The following ABTB2 variants were observed in gnomAD, a reference collection of about 807,000 sequenced individuals.
The protein encoded by ABTB2 is ankyrin repeat and BTB domain containing 2.
A neutral mutation model predicts 104.1 loss-of-function variants in ABTB2; 56 were observed. That is an observed-to-expected ratio of 0.54 (90% confidence interval 0.43 to 0.67). The LOEUF is 0.67. Among genes scored for constraint, ABTB2 ranks in the 30% least tolerant of loss-of-function variants. ABTB2 has a pLI of 0.00. For synonymous variants in ABTB2, 606 were observed against 608.2 expected (o/e 1.00, Z 0.05); for missense variants, 1,279 against 1,407.7 (o/e 0.91, Z 1.46).
At chr11:34,159,261 C>T in intron 14 of ABTB2, 35 bp downstream of exon 14, 1 of 1,554,760 alleles carries the variant, frequency 6.4e-7, no homozygotes, top group Non-Finnish European at 8.9e-7. Flanking sequence ...GAGGGTCATC[C>T]CTCTGAGAAG....
intron 1 of ABTB2, among the ~76,000 whole-genome samples, chr11:34,216,271 T>G (rs941007461): frequency 6.6e-5 from 10 of 152,216 alleles, no homozygotes; most frequent in African/African-American, 2.4e-4. Flanking sequence ...GACACCTCAG[T>G]TGATGATGAG....
intron 1 of ABTB2, among the ~76,000 whole-genome samples, chr11:34,334,016 G>GAAAAAA (rs5790985): frequency 8.3e-6 from 1 of 119,950 alleles, no homozygotes; most frequent in Non-Finnish European, 1.7e-5. Context: ...AGCCACAGGT[G>GAAAAAA]AAAAAAAAAA....
chr11:34,189,483 C>T (rs1183983229), intron 3 of ABTB2, among the ~76,000 whole-genome samples: 1 of 152,042 alleles, frequency 6.6e-6, no homozygotes, highest in Non-Finnish European at 1.5e-5. Flanking sequence ...GGCCAACAGT[C>T]CCAGCTACTC....
At position 34,152,509 on chromosome 11, in the gene ABTB2, C is replaced by T. The variant is rs150248775; in HGVS notation, c.2956G>A (p.Asp986Asn). ...CCGTAGATGAGCTGCCGGAAGGCAT[C>T]CTGCTCCAGTAGGGCCTTCATGTGC... ...LKHMKALLEQ[D>N]AFRQLIYGRS... Residue 986 changes from aspartate (D) to asparagine (N), a missense_variant, in exon 17 of 17, where the codon GAT becomes AAT. Asp to Asn is a conservative substitution (Grantham distance 23). Transcript: ENST00000435224. 1.2e-6 allele frequency: 2 copies of T among 1,610,972 alleles called. No individual in the cohort carries two copies. Among genetic ancestry groups the T allele is most frequent in the African/African-American group, 2.7e-5 (2 of 74,890 alleles).
At chr11:34,340,874 C>T (rs57805631) in intron 1 of ABTB2, among the ~76,000 whole-genome samples, 9,168 of 152,226 alleles carry the variant, frequency 0.06, 933 homozygotes, top group African/African-American at 0.21. Context: ...AACAAACAAA[C>T]ATCCTCTGAT....
chr11:34,227,865 T>G (rs1302557339), intron 1 of ABTB2, among the ~76,000 whole-genome samples: 2 of 146,612 alleles, frequency 1.4e-5, no homozygotes, highest in African/African-American at 5.0e-5. Context: ...CACCTGAGTA[T>G]CTGGGATTAC....
At chr11:34,316,648 GC>G (rs1288955264) in intron 1 of ABTB2, among the ~76,000 whole-genome samples, 1 of 152,114 alleles carries the variant, frequency 6.6e-6, no homozygotes, top group East Asian at 1.9e-4. Flanking sequence ...TGCTGCTGAA[GC>G]CCAGCTTTAA....
At chr11:34,265,704 C>T (rs1256321657) in intron 1 of ABTB2, among the ~76,000 whole-genome samples, 2 of 144,338 alleles carry the variant, frequency 1.4e-5, no homozygotes, top group South Asian at 2.2e-4. Context: ...CACGGTGGCT[C>T]ATGCCTGTAA....
chr11:34,172,672 C>G (rs150895047), intron 4 of ABTB2, among the ~76,000 whole-genome samples: 24 of 152,148 alleles, frequency 1.6e-4, no homozygotes, highest in African/African-American at 5.8e-4. Flanking sequence ...CTACTGTTCC[C>G]CTCTGACCCT....
chr11:34,255,653 G>C (rs962999990), intron 1 of ABTB2, among the ~76,000 whole-genome samples: 1 of 152,084 alleles, frequency 6.6e-6, no homozygotes, highest in African/African-American at 2.4e-5. Flanking sequence ...AAGTAGCTGG[G>C]ACTACAGGTA....
intron 1 of ABTB2, among the ~76,000 whole-genome samples, chr11:34,240,892 G>T (rs917882428): frequency 2.0e-5 from 3 of 152,176 alleles, no homozygotes; most frequent in Admixed American, 6.5e-5. Flanking sequence ...ACCGTACCTG[G>T]CCTTCCCCCC....
intron 3 of ABTB2, among the ~76,000 whole-genome samples, chr11:34,176,713 C>T (rs973417814): frequency 2.6e-5 from 4 of 152,198 alleles, no homozygotes; most frequent in African/African-American, 9.7e-5. Context: ...GGATGAACAT[C>T]AGTAACTTAC....
intron 1 of ABTB2, among the ~76,000 whole-genome samples, chr11:34,326,012 AAAT>A (rs1486343254): frequency 9.0e-4 from 132 of 146,204 alleles, no homozygotes; most frequent in African/African-American, 3.2e-3. Context: ...AAATAAAATA[AAAT>A]AAAGAAAAAG....
At chr11:34,211,900 C>A (rs1190615520) in intron 1 of ABTB2, among the ~76,000 whole-genome samples, 10 of 94,388 alleles carry the variant, frequency 1.1e-4, no homozygotes, top group South Asian at 4.4e-4. Flanking sequence ...GAGACCCTGT[C>A]TCAAAAAAAA....
At chr11:34,242,036 C>A (rs552880972) in intron 1 of ABTB2, among the ~76,000 whole-genome samples, 3 of 152,210 alleles carry the variant, frequency 2.0e-5, no homozygotes, top group African/African-American at 7.2e-5. Flanking sequence ...GGAGATGGCT[C>A]GGGCCCTGCG....
At chr11:34,221,683 T>C (rs1853625372) in intron 1 of ABTB2, among the ~76,000 whole-genome samples, 1 of 152,188 alleles carries the variant, frequency 6.6e-6, no homozygotes, top group Non-Finnish European at 1.5e-5. Flanking sequence ...GGCAATCCTC[T>C]GGCCAGAACA....
Position 34,357,834 on chromosome 11 carries a change from C to G in ABTB2, c.-251G>C, listed in dbSNP as rs1310363134. ...ACTGGAAAGAACCCCGTCGCTACCC[C>G]CCGGCACTCCCCCTTGTCCACCTCT... is the stretch of plus-strand genomic sequence containing the variant. On this transcript the variant is annotated 5_prime_UTR_variant, in exon 1 of 17. Coordinates refer to ENST00000435224, the MANE Select transcript of ABTB2 (RefSeq NM_145804.3). 24 of 487,188 alleles carry G rather than the reference C, an allele frequency of 4.9e-5. No homozygotes were observed. 30.2% of individuals were successfully genotyped at this position (487,188 alleles called of 1,614,324 possible). A position where few individuals can be genotyped will look rare whatever the true frequency, so the allele number is the denominator to read the frequency against.
intron 3 of ABTB2, among the ~76,000 whole-genome samples, chr11:34,185,348 G>C (rs940519670): frequency 2.6e-5 from 4 of 152,240 alleles, no homozygotes; most frequent in African/African-American, 9.6e-5. Context: ...GGAAGAGACA[G>C]TGCAAGCTCA....
intron 2 of ABTB2, among the ~76,000 whole-genome samples, chr11:34,199,919 T>C (rs1242734848): frequency 7.9e-5 from 12 of 152,180 alleles, no homozygotes. Flanking sequence ...CCGCCTCCTG[T>C]GGACTCTTCC....
Sources: allele counts gnomAD v4.1 joint callset (sites outside exome capture counted in the v4.1 genomes callset), GRCh38; gene constraint gnomAD v4.1.1; transcripts MANE v1.5; gene names NCBI Gene and HGNC (gene_info 2026-07-23, HGNC 2026-07-21).